Variants in CITED1 observed in about 807,000 individuals in gnomAD.
The protein encoded by CITED1 is cbp/p300-interacting transactivator 1.
A neutral mutation model predicts 8.5 loss-of-function variants in CITED1; 3 were observed. The observed-to-expected ratio is 0.35, with a 90% CI of 0.16 to 0.91. The LOEUF (loss-of-function observed/expected upper bound fraction) is 0.91. Ranked by LOEUF, CITED1 falls within the 40% of genes least tolerant of loss-of-function variation. The pLI, the probability that CITED1 is intolerant of heterozygous loss-of-function variation, is 0.46. For synonymous variants in CITED1, 54 were observed against 67.4 expected (o/e 0.80, Z 0.97); for missense variants, 113 against 154.8 (o/e 0.73, Z 1.43).
At position 72,302,207 on chromosome X, in the gene CITED1, T is replaced by C. The variant is rs2043296130; in HGVS notation, c.98A>G (p.Asn33Ser). The C allele has an allele frequency of 8.3e-7, 1 of 1,205,976 alleles. No individual in the cohort carries two copies. The highest frequency in any genetic ancestry group is 1.1e-6 in the Non-Finnish European group (1 of 892,894). ...NQEMSSVAYS[N>S]LAVKDRKAVA... ...TGCTTTGCGATCTTTCACCGCAAGG[T>C]TGGAGTAGGCCACGGAGCTCATCTC... The change falls in exon 3 of 3, where the codon AAC (asparagine) becomes AGC (serine). Residue 33 changes from asparagine to serine, a missense_variant. Coordinates refer to ENST00000651998, the MANE Select transcript of CITED1 (RefSeq NM_001144887.2).
chrX:72,307,013 C>G (rs1452746904), upstream of CITED1: 1 of 109,187 alleles, frequency 9.2e-6, no homozygotes, highest in African/African-American at 3.3e-5. Flanking sequence ...AAAATCTGAA[C>G]TGGATACTCA....
chrX:72,303,273 T>C (rs1045218786), intron 1 of CITED1, among the ~76,000 whole-genome samples: 4 of 112,948 alleles, frequency 3.5e-5, no homozygotes, highest in Non-Finnish European at 5.6e-5. Flanking sequence ...AGGACAGGAA[T>C]GTCCCTGAGT....
rs1386347806 is a variant in CITED1 at position 72,302,044 on chromosome X, G to A, written c.261C>T (p.Pro87=). ...GCATACTAGCCAGCAAGTGAGGGGC[G>A]GGGTGCAGGTTGAAGGATGGGGGTT... ...PTKPPSFNLH[P]APHLLASMHL... The change falls in exon 3 of 3, where the codon CCC becomes CCT. Residue 87 remains proline, a synonymous_variant. Transcript: ENST00000651998. The A allele has an allele frequency of 8.3e-6, 10 of 1,198,745 alleles. No homozygotes were observed. Among genetic ancestry groups the A allele is most frequent in the Admixed American group, 2.3e-5 (1 of 44,104 alleles).
chrX:72,302,673 G>T, intron 2 of CITED1, 137 bp downstream of exon 2: 1 of 562,131 alleles, frequency 1.8e-6, no homozygotes, highest in Non-Finnish European at 2.8e-6. Flanking sequence ...GGCAGAAGCT[G>T]TTCTCATTCT....
At chrX:72,305,187 CAG>C in intron 1 of CITED1, 1 of 714,393 alleles carries the variant, frequency 1.4e-6, no homozygotes, top group Non-Finnish European at 2.1e-6. Flanking sequence ...CTTGGGCGAG[CAG>C]CCCCCTCCCG....
rs998570808 is a variant in CITED1, at chrX:72,302,674, T to C, written c.60+136A>G. Reference sequence around the variant, plus strand: ...CTGACCACAATTTAGGCAGAAGCTGTTCTCATTCTCCCCAGAGATAGTCCT... The same window carrying C: ...CTGACCACAATTTAGGCAGAAGCTGCTCTCATTCTCCCCAGAGATAGTCCT... On this transcript the variant is annotated intron_variant, in intron 2 of 2. Transcript: ENST00000651998. 5.3e-6 allele frequency: 3 copies of C among 562,991 alleles called. No individual in the cohort carries two copies. In the African/African-American group the frequency reaches 6.9e-5, roughly 13 times the overall value. 46.4% of individuals were successfully genotyped at this position (562,991 alleles called of 1,213,427 possible).
intron 1 of CITED1, among the ~76,000 whole-genome samples, chrX:72,303,699 C>T (rs949426505): frequency 1.9e-4 from 21 of 111,724 alleles, no homozygotes; most frequent in Non-Finnish European, 3.8e-4. Flanking sequence ...AGCAGCGGTT[C>T]TGGGAGCAGA....
chrX:72,302,050 C>T lies in CITED1; in HGVS notation c.255G>A (p.Leu85=). The change falls in exon 3 of 3, where the codon CTG becomes CTA. Residue 85 remains leucine (L), a synonymous_variant. Transcript: ENST00000651998. ...TPPTKPPSFN[L]HPAPHLLASM... ...TAGCCAGCAAGTGAGGGGCGGGGTG[C>T]AGGTTGAAGGATGGGGGTTTAGTGG... 8.4e-7 allele frequency: 1 copy of T among 1,196,535 alleles called. No homozygotes were observed. The highest frequency in any genetic ancestry group is 3.0e-5 in the East Asian group (1 of 33,305).
chrX:72,301,960 G>A lies in CITED1; in HGVS notation c.345C>T (p.Pro115=), dbSNP rs747739665. ...AGTTTTGCAGGGGTCCTGCCTCCCC[G>A]GGTTGGCCTGGAGTGGCAGCAGCCA... ...QGMAAATPGQ[P]GEAGPLQNWD... is the part of the protein sequence containing the mutation. The change falls in exon 3 of 3, where the codon CCC becomes CCT. Residue 115 remains proline (P), a synonymous_variant. Coordinates refer to ENST00000651998, the MANE Select transcript of CITED1 (RefSeq NM_001144887.2). The A allele has an allele frequency of 6.6e-6, 8 of 1,210,491 alleles. No homozygotes were observed. In the South Asian group the frequency reaches 8.8e-5, roughly 13 times the overall value.
In CITED1 at chrX:72,305,810, G is replaced by A. The variant is rs2043333173; in HGVS notation, c.-66+15C>T. On this transcript the variant is annotated intron_variant, in intron 1 of 2. Coordinates refer to ENST00000651998, the MANE Select transcript of CITED1 (RefSeq NM_001144887.2). ...GAGAAGAGTGAGAGAGGCTCGGAGA[G>A]GTGCGGTAACTTGCCCAAGGTCACA... 8.7e-6 allele frequency: 1 copy of A among 114,376 alleles called. No individual in the cohort carries two copies. The highest frequency in any genetic ancestry group is 1.8e-5 in the Non-Finnish European group (1 of 54,387). 9.4% of individuals were successfully genotyped at this position (114,376 alleles called of 1,213,427 possible). A position where few individuals can be genotyped will look rare whatever the true frequency, so the allele number is the denominator to read the frequency against.
At chrX:72,305,570 G>C in intron 1 of CITED1, 1 of 361,048 alleles carries the variant, frequency 2.8e-6, no homozygotes, top group East Asian at 5.1e-5. Context: ...GTTCCCGCAA[G>C]TGCTGTATCA....
Position 72,302,132 on chromosome X carries a change from C to T in CITED1, c.173G>A (p.Ser58Asn), listed in dbSNP as rs2043294625. The change falls in exon 3 of 3, where the codon AGT becomes AAT. Residue 58 changes from serine (S) to asparagine (N), a missense_variant. Ser to Asn is a conservative substitution (Grantham distance 46, BLOSUM62 1). Transcript: ENST00000651998. ...PGVASNGTKA[S>N]GAPTSSSGSP... ...TCCCGAGGAACTAGTGGGAGCCCCACTGGCCTTGGTTCCATTTGAGGCTAC... is the reference window on the plus strand; with the variant it reads ...TCCCGAGGAACTAGTGGGAGCCCCATTGGCCTTGGTTCCATTTGAGGCTAC... 2.5e-6 allele frequency: 3 copies of T among 1,192,027 alleles called. No individual in the cohort carries two copies. The highest frequency in any genetic ancestry group is 1.7e-5 in the African/African-American group (1 of 57,537).
At position 72,302,903 on chromosome X, in the gene CITED1, G is replaced by A. The variant is rs373689044; in HGVS notation, c.-34C>T. 14 of 1,210,272 alleles carry A rather than the reference G, an allele frequency of 1.2e-5. No individual in the cohort carries two copies. The Middle Eastern group carries it at 7.0e-4, about 60-fold the overall frequency. ...CTTGGCAGAAGTTGGATAAATTGGC[G>A]GGAAGTGATGCTGCCAGCTGGAGCT... On this transcript the variant is annotated 5_prime_UTR_variant, in exon 2 of 3. Coordinates refer to ENST00000651998, the MANE Select transcript of CITED1 (RefSeq NM_001144887.2).
upstream of CITED1, chrX:72,305,940 T>C (rs1461813900): frequency 9.0e-6 from 1 of 111,489 alleles, no homozygotes; most frequent in Non-Finnish European, 1.9e-5. Context: ...AGCCCGCGTT[T>C]ATAGGGAGAG....
upstream of CITED1, chrX:72,306,995 T>G (rs1433172445): frequency 1.9e-5 from 2 of 105,023 alleles, no homozygotes; most frequent in African/African-American, 7.0e-5. Flanking sequence ...CGTGGGCGAG[T>G]TGGTGGCAAA....
intron 1 of CITED1, chrX:72,305,442 G>A: frequency 5.4e-6 from 3 of 560,329 alleles, no homozygotes; most frequent in Admixed American, 3.0e-5. Flanking sequence ...CGTTGTTTGC[G>A]GACAGCTCGG....
chrX:72,302,338 T>A, intron 2 of CITED1, 94 bp from the exon 3 acceptor site: 1 of 1,018,725 alleles, frequency 9.8e-7, no homozygotes, highest in East Asian at 3.3e-5. Flanking sequence ...TGCACTTCAT[T>A]TGGGACTAGA....
At position 72,301,923 on chromosome X, in the gene CITED1, C is replaced by T. The variant is rs2043290498; in HGVS notation, c.382G>A (p.Ala128Thr). ...AGPLQNWDFG[A>T]QAGGAESLSP... is the part of the protein sequence containing the mutation. ...AGTGATTCTGCCCCTCCCGCCTGGG[C>T]CCCAAAGTCCCAGTTTTGCAGGGGT... Residue 128 changes from alanine to threonine, a missense_variant, in exon 3 of 3, where the codon GCC becomes ACC. Ala to Thr is a moderately conservative substitution (Grantham distance 58). Coordinates refer to ENST00000651998, the MANE Select transcript of CITED1 (RefSeq NM_001144887.2). 8.2e-7 allele frequency: 1 copy of T among 1,212,297 alleles called. No homozygotes were observed. Among genetic ancestry groups the T allele is most frequent in the Non-Finnish European group, 1.1e-6 (1 of 895,631 alleles).
At chrX:72,306,948 T>A (rs774234301), upstream of CITED1, 1 of 109,280 alleles carries the variant, frequency 9.2e-6, no homozygotes, top group Admixed American at 9.6e-5. Flanking sequence ...CACGTCTTTA[T>A]AACCGGCTTA....
Sources: gnomAD v4.1 joint callset for allele counts (sites outside exome capture counted in the v4.1 genomes callset) on GRCh38, gnomAD v4.1.1 for gene constraint, MANE v1.5 for transcripts, NCBI Gene and HGNC (gene_info 2026-07-23, HGNC 2026-07-21) for gene names.